Variants in CDKL5 observed in about 807,000 individuals in gnomAD.
CDKL5 encodes the protein cyclin dependent kinase like 5.
A neutral mutation model predicts 61.7 loss-of-function variants in CDKL5; 8 were observed. The observed-to-expected ratio is 0.13, with a 90% CI of 0.08 to 0.23. The LOEUF is 0.23. Ranked by LOEUF, CDKL5 falls within the 10% of genes least tolerant of loss-of-function variation. The probability of loss-of-function intolerance (pLI) is 1.00; values close to 1 mark genes in which losing one functional copy is unlikely to be tolerated. For synonymous variants in CDKL5, 275 were observed against 272.3 expected, an observed-to-expected ratio of 1.01 and a Z score of -0.10; for missense variants, 440 against 734.5, an observed-to-expected ratio of 0.60 and a Z score of 4.63.
At chrX:18,581,831 G>A in intron 6 of CDKL5, 60 bp from the exon 7 acceptor site, 1 of 737,068 alleles carries the variant, frequency 1.4e-6, no homozygotes, top group South Asian at 2.1e-5. Context: ...TGATCTAACA[G>A]TGTCAATCAG....
At chrX:18,527,607 TTG>T (rs1487543998) in intron 3 of CDKL5, among the ~76,000 whole-genome samples, 8 of 111,759 alleles carry the variant, frequency 7.2e-5, no homozygotes, top group African/African-American at 2.6e-4. Context: ...TGTGAATAAT[TTG>T]TGTTTTTTTT....
At chrX:18,564,749 A>G (rs1569210626) in intron 4 of CDKL5, among the ~76,000 whole-genome samples, 1 of 110,880 alleles carries the variant, frequency 9.0e-6, no homozygotes, top group East Asian at 2.8e-4. Flanking sequence ...TCATGATATT[A>G]GAAAATTCAT....
intron 1 of CDKL5, among the ~76,000 whole-genome samples, chrX:18,460,199 G>C (rs1242816387): frequency 9.0e-6 from 1 of 111,126 alleles, no homozygotes; most frequent in Non-Finnish European, 1.9e-5. Flanking sequence ...CTCGGCCTCA[G>C]GAAGCTTTCA....
At chrX:18,448,028 A>G (rs911375697) in intron 1 of CDKL5, among the ~76,000 whole-genome samples, 20 of 110,786 alleles carry the variant, frequency 1.8e-4, no homozygotes. Context: ...CTGGGATTAC[A>G]TGCATCAGCC....
chrX:18,574,268 T>A (rs1388419706), intron 4 of CDKL5, among the ~76,000 whole-genome samples: 3 of 112,027 alleles, frequency 2.7e-5, no homozygotes, highest in Admixed American at 9.5e-5. Flanking sequence ...AGTATTTCTA[T>A]AGCACAACAT....
rs781498224 is a variant in CDKL5 at position 18,454,057 on chromosome X, G to A, written c.-163+28362G>A. On this transcript the variant is annotated intron_variant, in intron 1 of 17. Transcript: ENST00000623535. ...GTATCCTTGGGGCTGTTAATCAGGA[G>A]GTAGCCTTTATGTAGAGACTTGAAG... Among the ~76,000 whole-genome samples, 6 of 111,540 alleles carry A rather than the reference G, an allele frequency of 5.4e-5. No homozygotes were observed. In the South Asian group the frequency reaches 2.3e-3, roughly 42 times the overall value.
At chrX:18,517,186 T>G (rs1347954768) in intron 3 of CDKL5, among the ~76,000 whole-genome samples, 1 of 111,940 alleles carries the variant, frequency 8.9e-6, no homozygotes, top group African/African-American at 3.2e-5. Flanking sequence ...TAGTATTACC[T>G]CTTTCTACTC....
chrX:18,643,520 G>C (rs1419868873), downstream of CDKL5, among the ~76,000 whole-genome samples: 5 of 112,354 alleles, frequency 4.5e-5, no homozygotes, highest in African/African-American at 9.7e-5. Context: ...GCCTTCAGAA[G>C]CACAGGGCTT....
chrX:18,430,112 T>A (rs1931450885), intron 1 of CDKL5, among the ~76,000 whole-genome samples: 1 of 112,258 alleles, frequency 8.9e-6, no homozygotes, highest in South Asian at 3.6e-4. Flanking sequence ...AAGTGCAGAC[T>A]TTTCTAACCA....
At position 18,433,617 on chromosome X, in the gene CDKL5, G is replaced by T. The variant is rs1367287796; in HGVS notation, c.-163+7922G>T. Among the ~76,000 whole-genome samples the T allele has an allele frequency of 4.4e-5, 5 of 112,628 alleles. No homozygotes were observed. The Admixed American group carries it at 4.7e-4, about 11-fold the overall frequency. On this transcript the variant is annotated intron_variant, in intron 1 of 17. Transcript: ENST00000623535. ...GCTTTTTGTATTTTCAAAAGTTCTT[G>T]CCTATGCATAATACATAGCGGAATT... is the stretch of plus-strand genomic sequence containing the variant.
Position 18,509,199 on chromosome X carries a change from A to ACGCGCGCGCGCGCGCGCG in CDKL5, c.65-1620_65-1619insGCGCGCGCGCGCGCGCGC, listed in dbSNP as rs1351945385. Among the ~76,000 whole-genome samples the ACGCGCGCGCGCGCGCGCG allele has an allele frequency of 2.7e-4, 12 of 44,927 alleles. No individual in the cohort carries two copies. The East Asian group carries it at 4.6e-3, about 17-fold the overall frequency. The allele number at this position is 44,927 out of a possible 115,157, so 39.0% of individuals were successfully genotyped here. On this transcript the variant is annotated intron_variant, in intron 2 of 17. Transcript: ENST00000623535. ...AGAGCGAGACTGTCTCAAAACACGCACACACACACACACACACACACACAC... is the reference window on the plus strand; with the variant it reads ...AGAGCGAGACTGTCTCAAAACACGCACGCGCGCGCGCGCGCGCGCACACACACACACACACACACACAC...
intron 3 of CDKL5, among the ~76,000 whole-genome samples, chrX:18,539,845 T>C (rs1923960248): frequency 8.9e-6 from 1 of 112,002 alleles, no homozygotes; most frequent in African/African-American, 3.2e-5. Flanking sequence ...TATTAAAATA[T>C]ACATTTGTAT....
At chrX:18,544,746 G>A (rs770399413) in intron 3 of CDKL5, among the ~76,000 whole-genome samples, 14 of 112,418 alleles carry the variant, frequency 1.2e-4, no homozygotes, top group Admixed American at 4.7e-4. Context: ...ACAATTAAAT[G>A]TTACTAAAGT....
intron 1 of CDKL5, among the ~76,000 whole-genome samples, chrX:18,439,421 G>GTA (rs1364691325): frequency 1.6e-4 from 18 of 109,741 alleles, no homozygotes; most frequent in Non-Finnish European, 3.0e-4. Flanking sequence ...GTGTGTGTGT[G>GTA]TATGTGTATC....
chrX:18,631,192 C>T lies in CDKL5; in HGVS notation c.*2435C>T, dbSNP rs1927226235. The T allele has an allele frequency of 1.3e-6, 1 of 750,732 alleles. No individual in the cohort carries two copies. The highest frequency in any genetic ancestry group is 1.6e-6 in the Non-Finnish European group (1 of 637,849). The allele number at this position is 750,732 out of a possible 1,213,427, so 61.9% of individuals were successfully genotyped here. A position where few individuals can be genotyped will look rare whatever the true frequency, so the allele number is the denominator to read the frequency against. On this transcript the variant is annotated 3_prime_UTR_variant, in exon 18 of 18. Transcript: ENST00000623535. ...AAAGAAGGGCTAGAATATTTGCCTTCTACCTAGAGCAAAGTAAACCTAATT... is the reference window on the plus strand; with the variant it reads ...AAAGAAGGGCTAGAATATTTGCCTTTTACCTAGAGCAAAGTAAACCTAATT...
intron 1 of CDKL5, among the ~76,000 whole-genome samples, chrX:18,442,783 C>T (rs942444866): frequency 1.2e-4 from 13 of 111,887 alleles, no homozygotes; most frequent in East Asian, 8.4e-4. Context: ...TGTGAGCCAC[C>T]GCGCCTAGCG....
rs779361711 is a variant in CDKL5, at chrX:18,518,388, A to ATTTTTTTTTTTTTTTTTT, written c.99+7552_99+7569dup. On this transcript the variant is annotated intron_variant, in intron 3 of 17. Transcript: ENST00000623535. ...AAGTCATGTTTTCTTTTCTTTTCTTATTTTTTTTTTTTTTTTTTTTTTTTT... is the reference window on the plus strand; with the variant it reads ...AAGTCATGTTTTCTTTTCTTTTCTTATTTTTTTTTTTTTTTTTTTTTTTTTTTTTTTTTTTTTTTTTTT... 4.3e-3 allele frequency among the ~76,000 whole-genome samples: 92 copies of ATTTTTTTTTTTTTTTTTT among 21,171 alleles called. 15 individuals are homozygous for ATTTTTTTTTTTTTTTTTT. The highest frequency in any genetic ancestry group is 6.2e-3 in the African/African-American group (39 of 6,303). 18.4% of individuals were successfully genotyped at this position (21,171 alleles called of 115,157 possible).
rs184783043 is a variant in CDKL5 at position 18,598,171 on chromosome X, A to C, written c.826-291A>C. ...TTAAATTTTTTAATTATATTGTAAAAGTGATTTTGATTAATGATAAGTGCA... is the reference window on the plus strand; with the variant it reads ...TTAAATTTTTTAATTATATTGTAAACGTGATTTTGATTAATGATAAGTGCA... On this transcript the variant is annotated intron_variant, in intron 10 of 17. Transcript: ENST00000623535. Among the ~76,000 whole-genome samples the C allele has an allele frequency of 5.4e-5, 6 of 111,390 alleles. No homozygotes were observed. The East Asian group carries it at 1.7e-3, about 31-fold the overall frequency.
intron 1 of CDKL5, among the ~76,000 whole-genome samples, chrX:18,458,281 GTAGTTGTAACTA>G (rs1160302667): frequency 4.5e-5 from 5 of 110,332 alleles, no homozygotes; most frequent in Non-Finnish European, 9.4e-5. Flanking sequence ...CTTACAACTA[GTAGTTGTAACTA>G]TAGTATAATT....
Sources: gnomAD v4.1 joint callset for allele counts (sites outside exome capture counted in the v4.1 genomes callset) on GRCh38, gnomAD v4.1.1 for gene constraint, MANE v1.5 for transcripts, NCBI Gene and HGNC (gene_info 2026-07-23, HGNC 2026-07-21) for gene names.